The following VWC2L variants were observed in gnomAD, a reference collection of about 807,000 sequenced individuals.
VWC2L encodes the protein von Willebrand factor C domain containing 2 like.
Under a neutral mutation model 21.6 loss-of-function variants are expected in VWC2L, and 10 were observed. That is an observed-to-expected ratio of 0.46 (90% CI 0.29 to 0.78). The LOEUF (loss-of-function observed/expected upper bound fraction) is 0.78, where lower values mean the gene tolerates loss of function less well. Ranked by LOEUF, VWC2L falls within the 30% of genes least tolerant of loss-of-function variation. The pLI is 0.10. For synonymous variants in VWC2L, 96 were observed against 94.3 expected, an observed-to-expected ratio of 1.02 and a Z score of -0.10; for missense variants, 209 against 277.1, an observed-to-expected ratio of 0.75 and a Z score of 1.74.
chr2:214,546,803 G>A (rs7566427), intron 3 of VWC2L, among the ~76,000 whole-genome samples: 6,513 of 152,112 alleles, frequency 0.043, 484 homozygotes, highest in African/African-American at 0.15. Context: ...AGGAGTTTTC[G>A]CTGGTAGAGC....
chr2:214,483,845 G>A (rs891309147), intron 3 of VWC2L, among the ~76,000 whole-genome samples: 2 of 152,134 alleles, frequency 1.3e-5, no homozygotes, highest in African/African-American at 4.8e-5. Flanking sequence ...GATTGGATTG[G>A]TTTTCTAGGG....
rs189898073 is a variant in VWC2L, at chr2:214,430,481, G to A, written c.391-6148G>A. The stretch of plus-strand genomic sequence containing the variant: ...GTAGGAGAGATATATAGTTCATCTC[G>A]ATATACCTTATATACACTACTTTGT... On this transcript the variant is annotated intron_variant, in intron 2 of 3. Coordinates refer to ENST00000312504, the MANE Select transcript of VWC2L (RefSeq NM_001080500.4). 4.5e-3 allele frequency among the ~76,000 whole-genome samples: 686 copies of A among 152,102 alleles called. 4 individuals carry two copies. The highest frequency in any genetic ancestry group is 0.014 in the South Asian group (65 of 4,808).
intron 3 of VWC2L, among the ~76,000 whole-genome samples, chr2:214,571,833 C>CTGGA (rs770390660): frequency 2.6e-5 from 4 of 152,250 alleles, no homozygotes; most frequent in South Asian, 4.2e-4. Flanking sequence ...ATTGCCCAGG[C>CTGGA]TGGAGTGCAC....
intron 3 of VWC2L, among the ~76,000 whole-genome samples, chr2:214,463,374 C>T (rs1703169063): frequency 6.6e-6 from 1 of 152,092 alleles, no homozygotes; most frequent in African/African-American, 2.4e-5. Flanking sequence ...CTTATATTTG[C>T]TCAGTAATCT....
intron 2 of VWC2L, among the ~76,000 whole-genome samples, chr2:214,429,897 C>A (rs1474569779): frequency 6.6e-6 from 1 of 152,042 alleles, no homozygotes; most frequent in Non-Finnish European, 1.5e-5. Flanking sequence ...AATCTTGGCT[C>A]ACTGCAACCT....
At chr2:214,438,162 TG>T (rs570980125) in intron 3 of VWC2L, among the ~76,000 whole-genome samples, 1 of 152,040 alleles carries the variant, frequency 6.6e-6, no homozygotes, top group South Asian at 2.1e-4. Flanking sequence ...GAGGATTTAG[TG>T]GTTGAAAAAT....
At chr2:214,426,171 CAAAA>C (rs34411661) in intron 2 of VWC2L, among the ~76,000 whole-genome samples, 740 of 69,906 alleles carry the variant, frequency 0.011, 4 homozygotes, top group Admixed American at 0.017. Flanking sequence ...GGCTTCGTCT[CAAAA>C]AAAAAAAAAA....
chr2:214,562,103 T>C (rs1007641562), intron 3 of VWC2L, among the ~76,000 whole-genome samples: 2 of 151,916 alleles, frequency 1.3e-5, no homozygotes, highest in Admixed American at 1.3e-4. Flanking sequence ...ATCACCCAGG[T>C]ATTAAGCCCA....
rs114035069 is a variant in VWC2L, at chr2:214,490,945, C to T, written c.520+54187C>T. Among the ~76,000 whole-genome samples the T allele has an allele frequency of 5.5e-3, 841 of 152,260 alleles. 6 individuals are homozygous for T. Among genetic ancestry groups the T allele is most frequent in the African/African-American group, 0.019 (798 of 41,558 alleles). Reference sequence around the variant, plus strand: ...GAGAGAAGCAAAACACAGAAGTCTACATGTTGTATGATTCCATTTCTATGA... The same window carrying T: ...GAGAGAAGCAAAACACAGAAGTCTATATGTTGTATGATTCCATTTCTATGA... On this transcript the variant is annotated intron_variant, in intron 3 of 3. Coordinates refer to ENST00000312504, the MANE Select transcript of VWC2L (RefSeq NM_001080500.4).
At chr2:214,569,906 C>A (rs1052271856) in intron 3 of VWC2L, among the ~76,000 whole-genome samples, 1 of 152,056 alleles carries the variant, frequency 6.6e-6, no homozygotes, top group South Asian at 2.1e-4. Flanking sequence ...AGAGGTGTAA[C>A]CAGGGTGGCT....
intron 3 of VWC2L, among the ~76,000 whole-genome samples, chr2:214,516,668 A>C (rs146542134): frequency 1.9e-3 from 294 of 152,200 alleles, no homozygotes; most frequent in African/African-American, 6.8e-3. Flanking sequence ...AAAAAAAAAA[A>C]AAAGGAAGCT....
rs1690144507 is a variant in VWC2L, at chr2:214,571,204, T to C, written c.521-4468T>C. ...GAAGCTCAGGATCCGGGCAAAGGAATACAGTAATGCACTCCTAGCTACCTG... is the reference window on the plus strand; with the variant it reads ...GAAGCTCAGGATCCGGGCAAAGGAACACAGTAATGCACTCCTAGCTACCTG... On this transcript the variant is annotated intron_variant, in intron 3 of 3. Transcript: ENST00000312504. Among the ~76,000 whole-genome samples, 3 of 152,160 alleles carry C rather than the reference T, an allele frequency of 2.0e-5. 1 individual carries two copies.
intron 3 of VWC2L, among the ~76,000 whole-genome samples, chr2:214,544,343 T>C (rs1198848469): frequency 2.0e-5 from 3 of 152,182 alleles, no homozygotes; most frequent in Non-Finnish European, 2.9e-5. Context: ...TGTGAGAAGA[T>C]GTGACTTGTA....
At chr2:214,436,366 T>C in intron 2 of VWC2L, 1 of 331,834 alleles carries the variant, frequency 3.0e-6, no homozygotes, top group South Asian at 6.0e-5. Context: ...AATATTTCTC[T>C]GGAAAGTAGG....
intron 3 of VWC2L, among the ~76,000 whole-genome samples, chr2:214,475,876 A>G (rs1392293363): frequency 6.6e-6 from 1 of 152,202 alleles, no homozygotes; most frequent in Non-Finnish European, 1.5e-5. Flanking sequence ...TAAATGATCC[A>G]TGCCCAAGGT....
At chr2:214,490,763 C>A (rs1056954568) in intron 3 of VWC2L, among the ~76,000 whole-genome samples, 2 of 152,058 alleles carry the variant, frequency 1.3e-5, no homozygotes, top group Non-Finnish European at 2.9e-5. Flanking sequence ...AGGAATGAGG[C>A]TTAGGAGGAA....
At chr2:214,455,884 T>A (rs991289009) in intron 3 of VWC2L, among the ~76,000 whole-genome samples, 4 of 152,334 alleles carry the variant, frequency 2.6e-5, no homozygotes, top group African/African-American at 4.8e-5. Flanking sequence ...TCATTTTTTT[T>A]ATATCTGAAT....
intron 3 of VWC2L, among the ~76,000 whole-genome samples, chr2:214,548,611 G>T (rs1689746360): frequency 6.6e-6 from 1 of 152,198 alleles, no homozygotes; most frequent in African/African-American, 2.4e-5. Flanking sequence ...GACCACAAAT[G>T]CTTTAGTCAA....
At chr2:214,459,503 A>T (rs1242897470) in intron 3 of VWC2L, among the ~76,000 whole-genome samples, 1 of 152,124 alleles carries the variant, frequency 6.6e-6, no homozygotes, top group Non-Finnish European at 1.5e-5. Context: ...TTTCTGTAGC[A>T]GTAACATTTG....
Sources: allele counts gnomAD v4.1 joint callset (sites outside exome capture counted in the v4.1 genomes callset), GRCh38; gene constraint gnomAD v4.1.1; transcripts MANE v1.5; gene names NCBI Gene and HGNC (gene_info 2026-07-23, HGNC 2026-07-21).